Variants in OPCML observed in about 807,000 individuals in gnomAD.
The protein encoded by OPCML is opioid binding protein/cell adhesion molecule like.
Under a neutral mutation model 37.8 loss-of-function variants are expected in OPCML, and 13 were observed. That is an observed-to-expected ratio of 0.34 (90% CI 0.22 to 0.55). OPCML has a LOEUF of 0.55. OPCML is among the 20% of genes least tolerant of loss of function. OPCML has a pLI of 0.91. For missense variants in OPCML, 341 were observed against 435.6 expected (o/e 0.78, Z 1.93); for synonymous variants, 176 against 168.8 (o/e 1.04, Z -0.33).
At chr11:132,968,482 T>C (rs1010495048) in intron 1 of OPCML, among the ~76,000 whole-genome samples, 7 of 152,102 alleles carry the variant, frequency 4.6e-5, no homozygotes, top group Non-Finnish European at 7.3e-5. Flanking sequence ...TCAAATCTTT[T>C]TTTTGTCTTT....
At chr11:132,832,248 GAA>G (rs71067400) in intron 2 of OPCML, among the ~76,000 whole-genome samples, 1 of 143,034 alleles carries the variant, frequency 7.0e-6, no homozygotes, top group South Asian at 2.2e-4. Context: ...TTATTTTAAT[GAA>G]AAAAAAAAAT....
intron 3 of OPCML, among the ~76,000 whole-genome samples, chr11:132,650,074 G>T (rs535717750): frequency 1.3e-5 from 2 of 152,074 alleles, no homozygotes; most frequent in African/African-American, 4.8e-5. Context: ...ATATGTGTCC[G>T]CTTGACGTGG....
In OPCML at chr11:133,425,862, T is replaced by G. The variant is rs573973352; in HGVS notation, c.61+106402A>C. Among the ~76,000 whole-genome samples the G allele has an allele frequency of 2.6e-5, 4 of 152,344 alleles. No homozygotes were observed. The East Asian group carries it at 7.7e-4, about 29-fold the overall frequency. On this transcript the variant is annotated intron_variant, in intron 1 of 7. Transcript: ENST00000524381. Reference sequence around the variant, plus strand: ...CCTATAATTCATTTTCACATTGCATTTTACTTCTTACCTATGCATTTCTTA... The same window carrying G: ...CCTATAATTCATTTTCACATTGCATGTTACTTCTTACCTATGCATTTCTTA...
chr11:132,621,171 G>A (rs1939385703), intron 3 of OPCML, among the ~76,000 whole-genome samples: 2 of 152,220 alleles, frequency 1.3e-5, no homozygotes, highest in African/African-American at 2.4e-5. Flanking sequence ...CTGTCTTGCT[G>A]AGGATGCATC....
At chr11:132,695,054 G>T (rs1315530593) in intron 2 of OPCML, among the ~76,000 whole-genome samples, 1 of 152,188 alleles carries the variant, frequency 6.6e-6, no homozygotes, top group Non-Finnish European at 1.5e-5. Context: ...CAGCATGTGC[G>T]TTTTATCACT....
intron 2 of OPCML, among the ~76,000 whole-genome samples, chr11:132,813,354 T>C (rs759789895): frequency 6.6e-6 from 1 of 152,092 alleles, no homozygotes; most frequent in African/African-American, 2.4e-5. Flanking sequence ...GTCAAAAGAG[T>C]TTATTAAGAG....
chr11:133,253,923 TC>T (rs1231259546), intron 1 of OPCML, among the ~76,000 whole-genome samples: 1 of 145,984 alleles, frequency 6.9e-6, no homozygotes, highest in Non-Finnish European at 1.5e-5. Flanking sequence ...CTTCTTTCCT[TC>T]CTTTCTTCCT....
intron 1 of OPCML, among the ~76,000 whole-genome samples, chr11:133,133,989 T>C (rs1949643863): frequency 6.6e-6 from 1 of 152,130 alleles, no homozygotes; most frequent in Non-Finnish European, 1.5e-5. Flanking sequence ...TGAATACGCA[T>C]ACACAGAATA....
At position 133,264,283 on chromosome 11, in the gene OPCML, C is replaced by T. The variant is rs76011069; in HGVS notation, c.61+267981G>A. On this transcript the variant is annotated intron_variant, in intron 1 of 7. Transcript: ENST00000524381. ...GACTCCTTCCAAGTGACGGAGACAA[C>T]ATATTGCAAATTATTACATGCAGGA... is the stretch of plus-strand genomic sequence containing the variant. Among the ~76,000 whole-genome samples the T allele has an allele frequency of 3.6e-4, 55 of 152,316 alleles. No individual in the cohort carries two copies. In the East Asian group the frequency reaches 0.01, roughly 29 times the overall value.
At chr11:132,535,078 A>G (rs951219243) in intron 3 of OPCML, among the ~76,000 whole-genome samples, 3 of 148,616 alleles carry the variant, frequency 2.0e-5, no homozygotes, top group African/African-American at 7.3e-5. Flanking sequence ...AATATATTGT[A>G]TATTATATTT....
rs547232664 is a variant in OPCML at position 132,908,954 on chromosome 11, C to T, written c.146+33972G>A. On this transcript the variant is annotated intron_variant, in intron 2 of 7. Transcript: ENST00000524381. Reference sequence around the variant, plus strand: ...CCACAGCAGCTCCCTGCACCAGAATCACAGGTTCCTCAAGCCCTGGCAAAC... The same window carrying T: ...CCACAGCAGCTCCCTGCACCAGAATTACAGGTTCCTCAAGCCCTGGCAAAC... Among the ~76,000 whole-genome samples, 18 of 152,344 alleles carry T rather than the reference C, an allele frequency of 1.2e-4. No homozygotes were observed. The East Asian group carries it at 3.3e-3, about 28-fold the overall frequency.
At chr11:132,658,078 T>A (rs907062705) in intron 2 of OPCML, among the ~76,000 whole-genome samples, 1 of 152,178 alleles carries the variant, frequency 6.6e-6, no homozygotes, top group Non-Finnish European at 1.5e-5. Flanking sequence ...GGCCTGTGTG[T>A]CAGTGTGGAT....
chr11:133,485,854 C>T (rs1012041497), intron 1 of OPCML, among the ~76,000 whole-genome samples: 2 of 152,140 alleles, frequency 1.3e-5, no homozygotes, highest in Non-Finnish European at 2.9e-5. Context: ...GCTCTGCTTT[C>T]TTGTCCAACG....
chr11:133,334,427 T>A (rs1022922218), intron 1 of OPCML, among the ~76,000 whole-genome samples: 1 of 152,042 alleles, frequency 6.6e-6, no homozygotes, highest in Non-Finnish European at 1.5e-5. Flanking sequence ...TTCTCACTTA[T>A]AGTGAGAGCT....
chr11:132,637,024 C>T (rs933440731), intron 3 of OPCML, among the ~76,000 whole-genome samples: 2 of 152,176 alleles, frequency 1.3e-5, no homozygotes, highest in Non-Finnish European at 2.9e-5. Flanking sequence ...ACTTCATTGA[C>T]ACGCCATCAA....
intron 2 of OPCML, among the ~76,000 whole-genome samples, chr11:132,777,698 A>G (rs1468427269): frequency 6.6e-6 from 1 of 152,116 alleles, no homozygotes; most frequent in African/African-American, 2.4e-5. Context: ...TATATTCCAA[A>G]AAGGAGAGGA....
chr11:132,478,783 G>T (rs184915080), intron 4 of OPCML, among the ~76,000 whole-genome samples: 183 of 152,196 alleles, frequency 1.2e-3, no homozygotes, highest in African/African-American at 4.4e-3. Flanking sequence ...TTACAGTTGC[G>T]CTTATTACCC....
chr11:132,723,791 G>T (rs1944767282), intron 2 of OPCML, among the ~76,000 whole-genome samples: 1 of 152,164 alleles, frequency 6.6e-6, no homozygotes, highest in African/African-American at 2.4e-5. Flanking sequence ...TTCTAAGGTG[G>T]ACACAATTTA....
intron 1 of OPCML, among the ~76,000 whole-genome samples, chr11:133,440,476 C>T (rs1270776690): frequency 6.6e-6 from 1 of 151,440 alleles, no homozygotes; most frequent in Non-Finnish European, 1.5e-5. Flanking sequence ...CCTGTAATCC[C>T]AGCACTTTGG....
Sources: allele counts gnomAD v4.1 joint callset (sites outside exome capture counted in the v4.1 genomes callset), GRCh38; gene constraint gnomAD v4.1.1; transcripts MANE v1.5; gene names NCBI Gene and HGNC (gene_info 2026-07-23, HGNC 2026-07-21).